The following AFF2 variants were observed in gnomAD, a reference collection of about 807,000 sequenced individuals.
AFF2 encodes ALF transcription elongation factor 2, also known as AF4/FMR2 family member 2.
A neutral mutation model predicts 76.9 loss-of-function variants in AFF2; 14 were observed. That is an observed-to-expected ratio of 0.18 (90% CI 0.12 to 0.28). AFF2 has a LOEUF of 0.28. Ranked by LOEUF, AFF2 falls within the 10% of genes least tolerant of loss-of-function variation. The pLI, the probability that AFF2 is intolerant of heterozygous loss-of-function variation, is 1.00. For synonymous variants in AFF2, 398 were observed against 366.7 expected (o/e 1.09, Z -0.98); for missense variants, 868 against 1,001.1 (o/e 0.87, Z 1.79).
intron 19 of AFF2, among the ~76,000 whole-genome samples, chrX:148,983,705 CTA>C (rs1426967735): frequency 9.1e-6 from 1 of 109,876 alleles, no homozygotes; most frequent in African/African-American, 3.3e-5. Context: ...GCCATCCATC[CTA>C]TCATTCCCCA....
intron 8 of AFF2, among the ~76,000 whole-genome samples, chrX:148,901,004 A>G (rs1332706828): frequency 1.8e-5 from 2 of 112,388 alleles, no homozygotes; most frequent in East Asian, 5.6e-4. Context: ...AGCAGTCACA[A>G]TCAAGGTGCA....
At chrX:148,766,745 G>A (rs1341738356) in intron 3 of AFF2, among the ~76,000 whole-genome samples, 1 of 111,255 alleles carries the variant, frequency 9.0e-6, no homozygotes, top group Non-Finnish European at 1.9e-5. Flanking sequence ...AAGCAAGGAG[G>A]ATTCTGATCC....
At chrX:148,960,991 G>A (rs1174769720) in intron 12 of AFF2, among the ~76,000 whole-genome samples, 1 of 112,127 alleles carries the variant, frequency 8.9e-6, no homozygotes, top group East Asian at 2.8e-4. Context: ...AAGACCCCGT[G>A]GTTCCAGATC....
chrX:148,956,602 C>A lies in AFF2; in HGVS notation c.2557C>A (p.Arg853Ser). The change falls in exon 11 of 21, where the codon CGT becomes AGT. Residue 853 changes from arginine (R) to serine (S), a missense_variant. Coordinates refer to ENST00000370460, the MANE Select transcript of AFF2 (RefSeq NM_002025.4). Reference protein sequence around the residue: ...AVEKPAPKGKRKHKPIEVAEK... With the variant: ...AVEKPAPKGKSKHKPIEVAEK... Reference sequence around the variant, plus strand: ...GGAGAAACCAGCCCCTAAGGGCAAACGTAAGCACAAGGTAAGCTGTCTAAA... The same window carrying A: ...GGAGAAACCAGCCCCTAAGGGCAAAAGTAAGCACAAGGTAAGCTGTCTAAA... The A allele has an allele frequency of 8.3e-7, 1 of 1,208,737 alleles. No individual in the cohort carries two copies. Among genetic ancestry groups the A allele is most frequent in the Non-Finnish European group, 1.1e-6 (1 of 894,195 alleles).
chrX:148,837,637 T>A lies in AFF2; in HGVS notation c.1087-10T>A. ...CCCTGAAATAAAGTTTCTTTATTTT[T>A]CCTCATTAGGAGATGACCCATTCCT... On this transcript the variant is annotated splice_polypyrimidine_tract_variant and intron_variant, in intron 4 of 20. Transcript: ENST00000370460. 2 of 1,105,582 alleles carry A rather than the reference T, an allele frequency of 1.8e-6. No individual in the cohort carries two copies. The highest frequency in any genetic ancestry group is 2.5e-6 in the Non-Finnish European group (2 of 801,137). 91.1% of individuals were successfully genotyped at this position (1,105,582 alleles called of 1,213,427 possible). A position where few individuals can be genotyped will look rare whatever the true frequency, so the allele number is the denominator to read the frequency against.
chrX:148,877,593 A>G (rs2071049286), intron 7 of AFF2, among the ~76,000 whole-genome samples: 1 of 112,882 alleles, frequency 8.9e-6, no homozygotes, highest in African/African-American at 3.2e-5. Context: ...ATGCATCAGC[A>G]TAAGGGAAAT....
At chrX:148,532,856 ATGTG>A (rs782177489) in intron 1 of AFF2, among the ~76,000 whole-genome samples, 1 of 110,282 alleles carries the variant, frequency 9.1e-6, no homozygotes, top group African/African-American at 3.3e-5. Flanking sequence ...ATGTGTGTGT[ATGTG>A]TGTGTGTGTG....
chrX:148,719,625 T>C (rs2055068052), intron 3 of AFF2, among the ~76,000 whole-genome samples: 1 of 111,774 alleles, frequency 8.9e-6, no homozygotes, highest in Non-Finnish European at 1.9e-5. Flanking sequence ...ATAGGGATAA[T>C]TATCTCTAAC....
intron 7 of AFF2, among the ~76,000 whole-genome samples, chrX:148,865,833 G>A (rs1293628683): frequency 9.0e-6 from 1 of 111,676 alleles, no homozygotes; most frequent in Non-Finnish European, 1.9e-5. Flanking sequence ...GAGTAGGCAG[G>A]AATCTTGTAG....
chrX:148,988,754 C>T (rs1407672593), intron 20 of AFF2, among the ~76,000 whole-genome samples: 1 of 112,264 alleles, frequency 8.9e-6, no homozygotes, highest in Admixed American at 9.4e-5. Context: ...TATAAATTTA[C>T]ACTGACTCCT....
chrX:148,559,277 A>AT (rs1331831067), intron 1 of AFF2, among the ~76,000 whole-genome samples: 2 of 110,671 alleles, frequency 1.8e-5, no homozygotes, highest in Non-Finnish European at 3.8e-5. Context: ...AAACAATCTG[A>AT]TTTTTTTTTA....
intron 7 of AFF2, among the ~76,000 whole-genome samples, chrX:148,846,580 G>C (rs957375053): frequency 3.1e-4 from 34 of 111,471 alleles, no homozygotes; most frequent in Non-Finnish European, 4.9e-4. Flanking sequence ...TTCTGGAGGA[G>C]AAAAGACCAG....
chrX:148,625,519 C>CCTCCCA (rs1202815722), intron 1 of AFF2, among the ~76,000 whole-genome samples: 2 of 110,308 alleles, frequency 1.8e-5, no homozygotes, highest in Non-Finnish European at 3.8e-5. Context: ...TCGCATCTGG[C>CCTCCCA]CTCCCACCAA....
At chrX:148,765,207 C>A (rs781841507) in intron 3 of AFF2, among the ~76,000 whole-genome samples, 1 of 111,677 alleles carries the variant, frequency 9.0e-6, no homozygotes, top group South Asian at 3.8e-4. Flanking sequence ...TTCTTTACCT[C>A]TTGTTCTGTT....
chrX:148,696,978 C>T (rs1441890828), intron 3 of AFF2, among the ~76,000 whole-genome samples: 1 of 112,205 alleles, frequency 8.9e-6, no homozygotes, highest in Non-Finnish European at 1.9e-5. Context: ...GCCAGTCATA[C>T]ATATTATTGT....
At chrX:148,609,667 C>T (rs1243565652) in intron 1 of AFF2, among the ~76,000 whole-genome samples, 1 of 111,755 alleles carries the variant, frequency 8.9e-6, no homozygotes, top group Non-Finnish European at 1.9e-5. Flanking sequence ...CCTTCTTACT[C>T]CACACACCCT....
At chrX:148,670,388 G>A (rs2054408521) in intron 3 of AFF2, among the ~76,000 whole-genome samples, 2 of 111,880 alleles carry the variant, frequency 1.8e-5, no homozygotes, top group Admixed American at 1.9e-4. Context: ...AGTAGTTCAA[G>A]AGGAATCTGG....
intron 19 of AFF2, among the ~76,000 whole-genome samples, 153 bp downstream of exon 19, chrX:148,980,943 A>G (rs1173059653): frequency 2.7e-5 from 3 of 112,188 alleles, no homozygotes; most frequent in Non-Finnish European, 3.8e-5. Context: ...GCTAATGGCA[A>G]GACAGAAAAG....
chrX:148,677,702 G>T (rs1569553020), intron 3 of AFF2, among the ~76,000 whole-genome samples: 1 of 112,466 alleles, frequency 8.9e-6, no homozygotes, highest in Non-Finnish European at 1.9e-5. Flanking sequence ...TTAGACTGAA[G>T]CTGGCTACAC....
Sources: allele counts gnomAD v4.1 joint callset (sites outside exome capture counted in the v4.1 genomes callset), GRCh38; gene constraint gnomAD v4.1.1; transcripts MANE v1.5; gene names NCBI Gene and HGNC (gene_info 2026-07-23, HGNC 2026-07-21).